The following SYT16 variants were observed in gnomAD, a reference collection of about 807,000 sequenced individuals.
SYT16 encodes synaptotagmin-16.
In SYT16, 42 loss-of-function variants were observed where a neutral mutation model predicts 61.4. The observed-to-expected ratio is 0.68, with a 90% CI of 0.53 to 0.89. SYT16 has a LOEUF of 0.89. Among genes scored for constraint, SYT16 ranks in the 40% least tolerant of loss-of-function variants. The probability of loss-of-function intolerance (pLI) is 0.00; values close to 1 mark genes in which losing one functional copy is unlikely to be tolerated. For synonymous variants in SYT16, 314 were observed against 302.3 expected, an observed-to-expected ratio of 1.04 and a Z score of -0.40; for missense variants, 804 against 807.3, an observed-to-expected ratio of 1.00 and a Z score of 0.05.
intron 5 of SYT16, chr14:62,079,436 C>T (rs2056627716): frequency 2.4e-6 from 2 of 848,336 alleles, no homozygotes; most frequent in Admixed American, 3.3e-5. Flanking sequence ...AAGGTACCAT[C>T]TCCATTTTAC....
At chr14:61,822,864 A>G (rs542311161) in intron 1 of SYT16, among the ~76,000 whole-genome samples, 2 of 152,240 alleles carry the variant, frequency 1.3e-5, no homozygotes, top group Non-Finnish European at 2.9e-5. Context: ...ACAAATGAGA[A>G]TTATACCAAA....
intron 3 of SYT16, among the ~76,000 whole-genome samples, chr14:62,062,488 C>T (rs183505516): frequency 1.3e-3 from 203 of 152,326 alleles, no homozygotes; most frequent in Admixed American, 5.2e-3. Flanking sequence ...TCCACGTCTA[C>T]GTTGGCATTG....
chr14:61,821,142 A>G (rs1487800322), intron 1 of SYT16, among the ~76,000 whole-genome samples: 2 of 151,840 alleles, frequency 1.3e-5, no homozygotes, highest in African/African-American at 4.8e-5. Context: ...GCTGCCTTCA[A>G]CAGCCCTCCC....
intron 5 of SYT16, among the ~76,000 whole-genome samples, chr14:62,080,395 T>C (rs1028306725): frequency 6.6e-6 from 1 of 152,196 alleles, no homozygotes; most frequent in Non-Finnish European, 1.5e-5. Flanking sequence ...TCAAAATTCT[T>C]GTCTGTAGAA....
chr14:61,872,281 T>A (rs2140305633), intron 1 of SYT16, among the ~76,000 whole-genome samples: 1 of 152,318 alleles, frequency 6.6e-6, no homozygotes, highest in South Asian at 2.1e-4. Context: ...TTAGAGTACA[T>A]ATATAATGTT....
chr14:61,896,692 A>G (rs1237604637), intron 1 of SYT16, among the ~76,000 whole-genome samples: 1 of 152,246 alleles, frequency 6.6e-6, no homozygotes, highest in Non-Finnish European at 1.5e-5. Context: ...TATGCCAAAT[A>G]GGGACCTTGT....
At chr14:62,065,947 G>C (rs938900172) in intron 3 of SYT16, among the ~76,000 whole-genome samples, 1 of 152,164 alleles carries the variant, frequency 6.6e-6, no homozygotes, top group Non-Finnish European at 1.5e-5. Flanking sequence ...CTGACACTTA[G>C]GTTTTCAAGC....
In SYT16 at chr14:62,112,259, GT is replaced by G. The variant is rs2141046393; in HGVS notation, c.*11557del. 6.6e-6 allele frequency: 1 copy of G among 152,192 alleles called. No homozygotes were observed. Among genetic ancestry groups the G allele is most frequent in the African/African-American group, 2.4e-5 (1 of 41,548 alleles). 9.4% of individuals were successfully genotyped at this position (152,192 alleles called of 1,614,324 possible). ...AATTCATGATTAGAAGAATTATACT[GT>G]TTTTCTTGTGCAAATAATACTTAAG... is the stretch of plus-strand genomic sequence containing the variant. On this transcript the variant is annotated 3_prime_UTR_variant, in exon 8 of 8. Coordinates refer to ENST00000683842, the MANE Select transcript of SYT16 (RefSeq NM_001367656.1).
rs76587342 is a variant in SYT16, at chr14:62,072,209, A to G, written c.736+2394A>G. Among the ~76,000 whole-genome samples the G allele has an allele frequency of 6.3e-3, 961 of 152,208 alleles. 11 individuals carry two copies. The East Asian group carries it at 0.069, about 11-fold the overall frequency. On this transcript the variant is annotated intron_variant, in intron 4 of 7. Transcript: ENST00000683842. Reference sequence around the variant, plus strand: ...TCTGAGGATATTTCCTACAAGCTAGATGTTATTACTCTGGTGTCCTCAAAA... The same window carrying G: ...TCTGAGGATATTTCCTACAAGCTAGGTGTTATTACTCTGGTGTCCTCAAAA...
intron 1 of SYT16, among the ~76,000 whole-genome samples, chr14:61,939,536 A>G (rs2050126054): frequency 6.6e-6 from 1 of 152,214 alleles, no homozygotes; most frequent in South Asian, 2.1e-4. Context: ...CTACATGGCC[A>G]TCTCCTTCTG....
intron 3 of SYT16, among the ~76,000 whole-genome samples, chr14:62,054,914 T>C (rs573171486): frequency 6.6e-6 from 1 of 152,264 alleles, no homozygotes; most frequent in South Asian, 2.1e-4. Flanking sequence ...CACCTGAAAA[T>C]TGCAAGAGCC....
intron 1 of SYT16, among the ~76,000 whole-genome samples, chr14:61,918,715 A>T (rs1296273869): frequency 1.3e-5 from 2 of 152,090 alleles, no homozygotes; most frequent in African/African-American, 4.8e-5. Context: ...ACAAAAAAAA[A>T]GTTATCTCTG....
intron 1 of SYT16, among the ~76,000 whole-genome samples, chr14:61,859,231 C>T (rs2046888827): frequency 6.6e-6 from 1 of 152,146 alleles, no homozygotes; most frequent in Non-Finnish European, 1.5e-5. Context: ...AACCTGGGAG[C>T]TTGCGCTAGT....
At chr14:61,930,483 G>A (rs940543820) in intron 1 of SYT16, among the ~76,000 whole-genome samples, 19 of 151,874 alleles carry the variant, frequency 1.3e-4, no homozygotes, top group African/African-American at 3.9e-4. Flanking sequence ...AACATCTGTT[G>A]GAACTGCCTT....
At chr14:61,893,932 A>G (rs931134344) in intron 1 of SYT16, among the ~76,000 whole-genome samples, 1 of 152,156 alleles carries the variant, frequency 6.6e-6, no homozygotes, top group African/African-American at 2.4e-5. Flanking sequence ...TGTTACCTCA[A>G]CACATCAAAA....
chr14:62,047,381 C>T (rs7150783), intron 3 of SYT16, among the ~76,000 whole-genome samples: 10,531 of 151,686 alleles, frequency 0.069, 439 homozygotes, highest in East Asian at 0.12. Flanking sequence ...TGGGCTGAGA[C>T]AATGGGGTTT....
chr14:61,992,313 C>T (rs377573608), intron 2 of SYT16, among the ~76,000 whole-genome samples: 1 of 152,040 alleles, frequency 6.6e-6, no homozygotes, highest in South Asian at 2.1e-4. Flanking sequence ...CTTAGTGTGT[C>T]AGTGAGACTG....
intron 1 of SYT16, among the ~76,000 whole-genome samples, chr14:61,840,126 T>C (rs2046260002): frequency 1.3e-5 from 2 of 152,104 alleles, no homozygotes; most frequent in African/African-American, 4.8e-5. Flanking sequence ...TAAAAGATTA[T>C]AGAATTTTTC....
chr14:62,031,321 A>G (rs1045591547), intron 3 of SYT16, among the ~76,000 whole-genome samples: 1 of 152,224 alleles, frequency 6.6e-6, no homozygotes, highest in East Asian at 1.9e-4. Context: ...TTGCTGGTCT[A>G]TTCACATTTA....
Sources: gnomAD v4.1 joint callset for allele counts (sites outside exome capture counted in the v4.1 genomes callset) on GRCh38, gnomAD v4.1.1 for gene constraint, MANE v1.5 for transcripts, NCBI Gene and HGNC (gene_info 2026-07-23, HGNC 2026-07-21) for gene names.